RAB9B: variants seen among roughly 807,000 people sequenced by gnomAD.
RAB9B encodes the protein RAB9B, member RAS oncogene family, also known as ras-related protein Rab-9B.
A neutral mutation model predicts 8.9 loss-of-function variants in RAB9B; 1 was observed. The ratio of observed to expected loss-of-function variants is 0.11; its 90% CI spans 0.04 to 0.53. The LOEUF (loss-of-function observed/expected upper bound fraction) is 0.53, where lower values mean the gene tolerates loss of function less well. RAB9B is among the 20% of genes least tolerant of loss of function. The probability of loss-of-function intolerance (pLI) is 0.93; values close to 1 mark genes in which losing one functional copy is unlikely to be tolerated. For synonymous variants in RAB9B, 63 were observed against 57.0 expected, an observed-to-expected ratio of 1.10 and a Z score of -0.47; for missense variants, 82 against 152.9, an observed-to-expected ratio of 0.54 and a Z score of 2.45.
the RAB9B span, among the ~76,000 whole-genome samples, chrX:103,797,866 G>C: frequency 1.8e-5 from 2 of 111,917 alleles, no homozygotes; most frequent in East Asian, 5.6e-4. Flanking sequence ...ATAACCTGAA[G>C]GAAGTGTACT....
chrX:103,782,642 C>T, the RAB9B span, among the ~76,000 whole-genome samples: 2 of 112,276 alleles, frequency 1.8e-5, no homozygotes, highest in Non-Finnish European at 3.8e-5. Context: ...TTCCTCCATC[C>T]CTGACCATAC....
the RAB9B span, among the ~76,000 whole-genome samples, chrX:103,816,625 A>G: frequency 8.9e-6 from 1 of 112,250 alleles, no homozygotes; most frequent in African/African-American, 3.2e-5. Flanking sequence ...AAAATAAACT[A>G]TTATCAGAGT....
the RAB9B span, among the ~76,000 whole-genome samples, chrX:103,782,726 G>C: frequency 8.9e-6 from 1 of 112,063 alleles, no homozygotes; most frequent in African/African-American, 3.2e-5. Context: ...TCACTTGCTA[G>C]GGTGGATGGC....
chrX:103,785,812 C>A, the RAB9B span: 1 of 1,082,759 alleles, frequency 9.2e-7, no homozygotes, highest in Non-Finnish European at 1.3e-6. Flanking sequence ...TTTTTTCCCT[C>A]TCTCCATCCT....
At chrX:103,782,316 C>T in the RAB9B span, among the ~76,000 whole-genome samples, 1 of 112,178 alleles carries the variant, frequency 8.9e-6, no homozygotes, top group Non-Finnish European at 1.9e-5. Flanking sequence ...CTCATTAAAG[C>T]CTACTTCTTT....
chrX:103,803,744 A>T, the RAB9B span, among the ~76,000 whole-genome samples: 3 of 111,542 alleles, frequency 2.7e-5, no homozygotes, highest in African/African-American at 9.8e-5. Flanking sequence ...AGGCCAGCTA[A>T]TTTTTGTATT....
At chrX:103,777,929 C>T in the RAB9B span, among the ~76,000 whole-genome samples, 1 of 112,265 alleles carries the variant, frequency 8.9e-6, no homozygotes, top group African/African-American at 3.2e-5. Context: ...CCATGTATTC[C>T]CTATCAAATG....
downstream of RAB9B, among the ~76,000 whole-genome samples, chrX:103,817,888 AG>A (rs997038425): frequency 1.6e-4 from 18 of 111,422 alleles, no homozygotes; most frequent in Non-Finnish European, 3.2e-4. Context: ...TCTAAACAAA[AG>A]TAGTCTCGAG....
At chrX:103,785,864 A>G in the RAB9B span, 2 of 836,559 alleles carry the variant, frequency 2.4e-6, no homozygotes, top group Non-Finnish European at 3.6e-6. Flanking sequence ...CTAGCAGGGG[A>G]CTGGGGTGGA....
the RAB9B span, chrX:103,776,731 G>T: frequency 1.4e-5 from 5 of 349,278 alleles, no homozygotes; most frequent in Non-Finnish European, 2.5e-5. Flanking sequence ...AGCCCTTAGA[G>T]AAGGGAGTAT....
chrX:103,829,227 C>T (rs2074694396), intron 1 of RAB9B, among the ~76,000 whole-genome samples: 1 of 111,414 alleles, frequency 9.0e-6, no homozygotes, highest in African/African-American at 3.3e-5. Context: ...TTGAGAATGC[C>T]TTGTTCCTCA....
the RAB9B span, among the ~76,000 whole-genome samples, chrX:103,801,156 G>A: frequency 9.0e-6 from 1 of 110,849 alleles, no homozygotes; most frequent in South Asian, 3.9e-4. Context: ...TCCAGGACTA[G>A]GTTTCCTGTT....
chrX:103,803,208 T>C, the RAB9B span, among the ~76,000 whole-genome samples: 1 of 112,134 alleles, frequency 8.9e-6, no homozygotes, highest in Admixed American at 9.5e-5. Flanking sequence ...TCTAATGGAT[T>C]TATGCCTAGG....
At chrX:103,822,051 A>G (rs1028577632), downstream of RAB9B, among the ~76,000 whole-genome samples, 1 of 111,893 alleles carries the variant, frequency 8.9e-6, no homozygotes, top group Non-Finnish European at 1.9e-5. Flanking sequence ...CTCCAGCCTG[A>G]GCAATGGAGG....
the RAB9B span, among the ~76,000 whole-genome samples, chrX:103,797,293 T>G: frequency 3.6e-5 from 4 of 110,222 alleles, no homozygotes; most frequent in Non-Finnish European, 7.6e-5. Context: ...GGTTTTGCCA[T>G]GTTGCCCAGG....
the RAB9B span, among the ~76,000 whole-genome samples, chrX:103,806,047 T>G: frequency 9.0e-6 from 1 of 111,209 alleles, no homozygotes; most frequent in Non-Finnish European, 1.9e-5. Flanking sequence ...CTCAAGTGAT[T>G]TTTTCACCTT....
the RAB9B span, among the ~76,000 whole-genome samples, chrX:103,800,482 T>A: frequency 8.9e-6 from 1 of 111,752 alleles, no homozygotes; most frequent in African/African-American, 3.2e-5. Context: ...TGGTCAGAAT[T>A]GAAAGAAGAA....
At chrX:103,811,419 C>T in the RAB9B span, among the ~76,000 whole-genome samples, 1 of 111,515 alleles carries the variant, frequency 9.0e-6, no homozygotes, top group Admixed American at 9.5e-5. Flanking sequence ...TAATAATAAC[C>T]CTTAGTTTTT....
chrX:103,818,601 G>A (rs1206724301), downstream of RAB9B, among the ~76,000 whole-genome samples: 2 of 110,700 alleles, frequency 1.8e-5, no homozygotes, highest in Non-Finnish European at 3.8e-5. Context: ...GGGTAATTGT[G>A]GTAAACCCTT....
Sources: gnomAD v4.1 joint callset for allele counts (sites outside exome capture counted in the v4.1 genomes callset) on GRCh38, gnomAD v4.1.1 for gene constraint, MANE v1.5 for transcripts, NCBI Gene and HGNC (gene_info 2026-07-23, HGNC 2026-07-21) for gene names.